Variants in ALK observed in about 807,000 individuals in gnomAD.
ALK encodes the protein ALK tyrosine kinase receptor.
In ALK, 74 loss-of-function variants were observed where a neutral mutation model predicts 163.1. The ratio of observed to expected loss-of-function variants is 0.45; its 90% CI spans 0.38 to 0.55. The LOEUF (loss-of-function observed/expected upper bound fraction) is 0.55. Ranked by LOEUF, ALK falls within the 20% of genes least tolerant of loss-of-function variation. ALK has a pLI of 0.00. For missense variants in ALK, 2,063 were observed against 2,105.3 expected, an observed-to-expected ratio of 0.98 and a Z score of 0.39; for synonymous variants, 960 against 843.2, an observed-to-expected ratio of 1.14 and a Z score of -2.40.
chr2:29,213,958 G>A (rs2148159166), intron 24 of ALK, 26 bp downstream of exon 24: 2 of 1,590,966 alleles, frequency 1.3e-6, no homozygotes, highest in Non-Finnish European at 1.7e-6. Context: ...CAGGATGACA[G>A]GAAGAGCACA....
Position 29,603,921 on chromosome 2 carries a change from T to G in ALK, c.953-71805A>C, listed in dbSNP as rs1185563258. 2.0e-5 allele frequency among the ~76,000 whole-genome samples: 3 copies of G among 152,216 alleles called. No individual in the cohort carries two copies. In the East Asian group the frequency reaches 5.8e-4, roughly 29 times the overall value. ...TTCTCCAATTTAAACGATGTTTTCC[T>G]GTAATGATTCCTAATGAGACCCTTT... On this transcript the variant is annotated intron_variant, in intron 3 of 28. Transcript: ENST00000389048.
intron 11 of ALK, among the ~76,000 whole-genome samples, chr2:29,274,053 T>C (rs2148214258): frequency 6.6e-6 from 1 of 151,978 alleles, no homozygotes. Flanking sequence ...AGTAACTAAC[T>C]CTTTCTCCTG....
chr2:29,637,542 C>T (rs913673688), intron 3 of ALK, among the ~76,000 whole-genome samples: 1 of 151,910 alleles, frequency 6.6e-6, no homozygotes, highest in Non-Finnish European at 1.5e-5. Context: ...AATCCCTTCT[C>T]TACTAAAAAA....
chr2:29,810,758 T>A (rs1349215513), intron 1 of ALK, among the ~76,000 whole-genome samples: 1 of 152,184 alleles, frequency 6.6e-6, no homozygotes, highest in Non-Finnish European at 1.5e-5. Context: ...GATTGAATTG[T>A]GTACCCTCCA....
At chr2:29,499,962 C>T (rs1371522590) in intron 4 of ALK, among the ~76,000 whole-genome samples, 1 of 152,194 alleles carries the variant, frequency 6.6e-6, no homozygotes, top group Non-Finnish European at 1.5e-5. Flanking sequence ...ATCACCCAGT[C>T]ACCAACACTG....
At chr2:29,739,854 T>C (rs1680003411) in intron 1 of ALK, among the ~76,000 whole-genome samples, 2 of 152,122 alleles carry the variant, frequency 1.3e-5, no homozygotes, top group Admixed American at 1.3e-4. Context: ...AGCATGGGTT[T>C]TGACTCTATA....
intron 3 of ALK, among the ~76,000 whole-genome samples, chr2:29,680,759 T>A (rs1023333812): frequency 1.3e-5 from 2 of 152,144 alleles, no homozygotes; most frequent in African/African-American, 4.8e-5. Flanking sequence ...TTTCTTTGTA[T>A]ATATTCTCAT....
chr2:29,660,566 A>G (rs562655534), intron 3 of ALK, among the ~76,000 whole-genome samples: 1 of 152,168 alleles, frequency 6.6e-6, no homozygotes, highest in African/African-American at 2.4e-5. Flanking sequence ...TGTGATGAGA[A>G]AGAAAAGAAG....
At chr2:29,679,329 T>G (rs1677991478) in intron 3 of ALK, among the ~76,000 whole-genome samples, 2 of 151,894 alleles carry the variant, frequency 1.3e-5, no homozygotes, top group Admixed American at 1.3e-4. Context: ...ATCTTGTGTG[T>G]TTTTTAGTTC....
chr2:29,712,495 C>T (rs1558454718), intron 2 of ALK, among the ~76,000 whole-genome samples: 1 of 152,306 alleles, frequency 6.6e-6, no homozygotes. Context: ...TCACAGCCAG[C>T]CACATTAAAT....
Position 29,328,282 on chromosome 2 carries a change from T to A in ALK, c.1414+68A>T, listed in dbSNP as rs183826219. The stretch of plus-strand genomic sequence containing the variant: ...GCTGTCCATGCTCTCATGCCTGGGA[T>A]AATGGGGACAACGGGGTTATGAGCA... On this transcript the variant is annotated intron_variant, in intron 6 of 28. Transcript: ENST00000389048. 6 of 1,611,532 alleles carry A rather than the reference T, an allele frequency of 3.7e-6. No homozygotes were observed. In the African/African-American group the frequency reaches 5.3e-5, roughly 14 times the overall value.
chr2:29,728,890 C>T (rs1383291623), intron 1 of ALK, among the ~76,000 whole-genome samples: 2 of 152,322 alleles, frequency 1.3e-5, no homozygotes, highest in South Asian at 4.2e-4. Context: ...GAATGAAACA[C>T]AGCAGAAGGA....
At chr2:29,357,985 T>C (rs1164436250) in intron 5 of ALK, among the ~76,000 whole-genome samples, 1 of 152,194 alleles carries the variant, frequency 6.6e-6, no homozygotes, top group Non-Finnish European at 1.5e-5. Context: ...TCCCATTTGG[T>C]CCACTATTTT....
intron 4 of ALK, among the ~76,000 whole-genome samples, chr2:29,477,082 CAA>C (rs1671544135): frequency 6.6e-6 from 1 of 151,986 alleles, no homozygotes; most frequent in South Asian, 2.1e-4. Flanking sequence ...CTGTGGTGTG[CAA>C]AGGAAGAAGT....
intron 4 of ALK, among the ~76,000 whole-genome samples, chr2:29,395,282 C>T (rs972174051): frequency 5.9e-5 from 9 of 152,240 alleles, no homozygotes; most frequent in Non-Finnish European, 1.3e-4. Flanking sequence ...AAACTTTATA[C>T]AGTAGGGTGA....
chr2:29,526,980 T>A (rs1477922272), intron 4 of ALK, among the ~76,000 whole-genome samples: 3 of 152,212 alleles, frequency 2.0e-5, no homozygotes, highest in African/African-American at 7.2e-5. Context: ...GGTTCCTCTT[T>A]GTCCAGGGAG....
intron 4 of ALK, among the ~76,000 whole-genome samples, chr2:29,471,614 T>C (rs1347445828): frequency 2.0e-5 from 3 of 152,226 alleles, no homozygotes; most frequent in East Asian, 3.8e-4. Context: ...CTCAGCACAC[T>C]AGGAATAGCA....
intron 20 of ALK, 148 bp downstream of exon 20, chr2:29,223,194 G>T: frequency 1.3e-6 from 1 of 781,250 alleles, no homozygotes; most frequent in Non-Finnish European, 2.2e-6. Context: ...GGCCCTGAAT[G>T]TCAAGGCTTG....
At chr2:29,402,276 C>T (rs1217534441) in intron 4 of ALK, among the ~76,000 whole-genome samples, 2 of 152,250 alleles carry the variant, frequency 1.3e-5, no homozygotes, top group Non-Finnish European at 2.9e-5. Flanking sequence ...CTGTGGGAAC[C>T]TCTGGCCTCC....
Sources: allele counts gnomAD v4.1 joint callset (sites outside exome capture counted in the v4.1 genomes callset), GRCh38; gene constraint gnomAD v4.1.1; transcripts MANE v1.5; gene names NCBI Gene and HGNC (gene_info 2026-07-23, HGNC 2026-07-21).